SUGCT: variants seen among roughly 807,000 people sequenced by gnomAD.
SUGCT encodes succinyl-CoA:glutarate CoA-transferase.
In SUGCT, 41 loss-of-function variants were observed where a neutral mutation model predicts 55.0. The ratio of observed to expected loss-of-function variants is 0.74; its 90% confidence interval spans 0.58 to 0.97. SUGCT has a LOEUF of 0.97. Among genes scored for constraint, SUGCT ranks in the 50% least tolerant of loss-of-function variants. The pLI, the probability that SUGCT is intolerant of heterozygous loss-of-function variation, is 0.00. For synonymous variants in SUGCT, 187 were observed against 200.4 expected, an observed-to-expected ratio of 0.93 and a Z score of 0.56; for missense variants, 568 against 547.8, an observed-to-expected ratio of 1.04 and a Z score of -0.37.
intron 8 of SUGCT, among the ~76,000 whole-genome samples, chr7:40,291,390 C>T (rs569955015): frequency 1.3e-5 from 2 of 149,688 alleles, no homozygotes; most frequent in African/African-American, 2.5e-5. Context: ...TCATTCTCAG[C>T]AAACTATTGC....
At chr7:40,924,777 C>A in the SUGCT span, among the ~76,000 whole-genome samples, 15 of 152,256 alleles carry the variant, frequency 9.9e-5, no homozygotes, top group East Asian at 3.9e-4. Flanking sequence ...ATGGAGTGAA[C>A]AAAGGAAGAA....
intron 13 of SUGCT, among the ~76,000 whole-genome samples, chr7:40,819,933 G>A (rs1350469265): frequency 2.6e-5 from 4 of 152,128 alleles, no homozygotes; most frequent in Admixed American, 6.6e-5. Context: ...ATTAATTTTT[G>A]TATAAGGTGT....
chr7:40,472,692 A>G (rs1186157038), intron 11 of SUGCT, among the ~76,000 whole-genome samples: 1 of 152,160 alleles, frequency 6.6e-6, no homozygotes, highest in East Asian at 1.9e-4. Context: ...GGGATCTGAC[A>G]TAGCTGATGA....
chr7:40,561,723 G>A (rs966158057), intron 12 of SUGCT, among the ~76,000 whole-genome samples: 10 of 133,012 alleles, frequency 7.5e-5, no homozygotes, highest in Admixed American at 2.5e-4. Context: ...ATGGAGTCTC[G>A]TTCTGTTGCC....
chr7:40,694,109 T>C (rs1784817887), intron 12 of SUGCT, among the ~76,000 whole-genome samples: 1 of 152,242 alleles, frequency 6.6e-6, no homozygotes, highest in African/African-American at 2.4e-5. Context: ...TCTCTAGATG[T>C]TGTAAAACTT....
At chr7:40,518,177 G>A (rs571659781) in intron 12 of SUGCT, among the ~76,000 whole-genome samples, 2 of 152,152 alleles carry the variant, frequency 1.3e-5, no homozygotes, top group African/African-American at 4.8e-5. Context: ...AACCCAAGAT[G>A]GAATCCAGAA....
At chr7:40,719,935 A>G (rs1786231750) in intron 12 of SUGCT, among the ~76,000 whole-genome samples, 1 of 152,102 alleles carries the variant, frequency 6.6e-6, no homozygotes, top group Non-Finnish European at 1.5e-5. Flanking sequence ...AGCTGGGATT[A>G]CAGGTGTCTG....
At chr7:40,450,773 CA>C (rs57221158) in intron 10 of SUGCT, among the ~76,000 whole-genome samples, 32 of 139,958 alleles carry the variant, frequency 2.3e-4, no homozygotes, top group Middle Eastern at 3.6e-3. Context: ...GACTCTGTCT[CA>C]AAAAAAAAAA....
At chr7:40,624,416 C>T (rs1382367717) in intron 12 of SUGCT, among the ~76,000 whole-genome samples, 2 of 152,148 alleles carry the variant, frequency 1.3e-5, no homozygotes, top group Non-Finnish European at 2.9e-5. Flanking sequence ...CAGTACTTAA[C>T]ATGTAATTTT....
intron 12 of SUGCT, among the ~76,000 whole-genome samples, chr7:40,692,662 G>A (rs556632419): frequency 1.2e-3 from 182 of 152,254 alleles, no homozygotes; most frequent in Non-Finnish European, 2.3e-3. Context: ...CTGGGACACC[G>A]GGATAGTTGT....
chr7:40,862,264 TA>T (rs61588399), downstream of SUGCT, among the ~76,000 whole-genome samples: 27,663 of 152,126 alleles, frequency 0.18, 3,667 homozygotes, highest in East Asian at 0.69. Context: ...CAGTCAATAT[TA>T]AAACAAAAAG....
the SUGCT span, among the ~76,000 whole-genome samples, chr7:40,951,566 T>A: frequency 6.6e-6 from 1 of 152,212 alleles, no homozygotes; most frequent in Non-Finnish European, 1.5e-5. Context: ...TTTTAGATCT[T>A]TCCTGCTTTC....
intron 12 of SUGCT, among the ~76,000 whole-genome samples, chr7:40,722,744 GA>G (rs1335874030): frequency 6.6e-6 from 1 of 152,106 alleles, no homozygotes; most frequent in East Asian, 1.9e-4. Flanking sequence ...TCTCTAAGCT[GA>G]ATTACCATAT....
At chr7:40,249,323 A>ATATATCTATATATATATATATC (rs1562612040) in intron 7 of SUGCT, among the ~76,000 whole-genome samples, 3 of 91,790 alleles carry the variant, frequency 3.3e-5, no homozygotes, top group Non-Finnish European at 7.4e-5. Flanking sequence ...CTATATATAT[A>ATATATCTATATATATATATATC]TATATATATA....
At chr7:40,371,992 G>A (rs1336507357) in intron 9 of SUGCT, among the ~76,000 whole-genome samples, 1 of 151,542 alleles carries the variant, frequency 6.6e-6, no homozygotes, top group African/African-American at 2.4e-5. Flanking sequence ...AAATAGTCTA[G>A]GTTGAGGAGG....
the SUGCT span, among the ~76,000 whole-genome samples, chr7:40,874,570 T>C: frequency 8.7e-4 from 132 of 152,338 alleles, no homozygotes; most frequent in African/African-American, 3.1e-3. Context: ...TTATCAGTCT[T>C]AGCTGCTCCA....
At chr7:40,828,592 A>C (rs1206075731) in intron 13 of SUGCT, among the ~76,000 whole-genome samples, 2 of 152,016 alleles carry the variant, frequency 1.3e-5, no homozygotes, top group Non-Finnish European at 2.9e-5. Flanking sequence ...AAAAAAAAAA[A>C]AACTCAAGAA....
intron 12 of SUGCT, among the ~76,000 whole-genome samples, chr7:40,623,643 GATT>G (rs1441689389): frequency 6.6e-6 from 1 of 152,088 alleles, no homozygotes; most frequent in African/African-American, 2.4e-5. Flanking sequence ...TTCGTTAGAA[GATT>G]ATTTACTCAG....
At chr7:40,560,925 G>A (rs142361395) in intron 12 of SUGCT, among the ~76,000 whole-genome samples, 4 of 152,308 alleles carry the variant, frequency 2.6e-5, no homozygotes, top group Non-Finnish European at 4.4e-5. Context: ...AACAAAATTA[G>A]CATTCCATAT....
Sources: gnomAD v4.1 joint callset for allele counts (sites outside exome capture counted in the v4.1 genomes callset) on GRCh38, gnomAD v4.1.1 for gene constraint, MANE v1.5 for transcripts, NCBI Gene and HGNC (gene_info 2026-07-23, HGNC 2026-07-21) for gene names.